The following PTPRD variants were observed in gnomAD, a reference collection of about 807,000 sequenced individuals.
PTPRD encodes the protein protein tyrosine phosphatase receptor type D.
A neutral mutation model predicts 214.5 loss-of-function variants in PTPRD; 34 were observed. That is an observed-to-expected ratio of 0.16 (90% confidence interval 0.12 to 0.21). The LOEUF (loss-of-function observed/expected upper bound fraction) is 0.21. Among genes scored for constraint, PTPRD ranks in the 10% least tolerant of loss-of-function variants. The probability of loss-of-function intolerance (pLI) is 1.00; values close to 1 mark genes in which losing one functional copy is unlikely to be tolerated. For synonymous variants in PTPRD, 1,128 were observed against 845.7 expected (o/e 1.33, Z -5.79); for missense variants, 2,545 against 2,398.7 (o/e 1.06, Z -1.27).
At chr9:9,333,083 T>G (rs1392446044) in intron 9 of PTPRD, among the ~76,000 whole-genome samples, 2 of 151,828 alleles carry the variant, frequency 1.3e-5, no homozygotes, top group East Asian at 3.9e-4. Context: ...GGGAGGGACA[T>G]AAAGAGTACA....
intron 5 of PTPRD, among the ~76,000 whole-genome samples, chr9:9,849,228 T>A (rs940536349): frequency 6.6e-6 from 1 of 151,986 alleles, no homozygotes; most frequent in African/African-American, 2.4e-5. Flanking sequence ...TCCCAAAGGA[T>A]CACGCTGTAG....
intron 7 of PTPRD, among the ~76,000 whole-genome samples, chr9:9,632,740 C>A (rs191340283): frequency 7.4e-4 from 112 of 152,042 alleles, no homozygotes; most frequent in African/African-American, 2.5e-3. Flanking sequence ...GGATGCCTGA[C>A]AAACTATAAA....
intron 2 of PTPRD, among the ~76,000 whole-genome samples, chr9:10,439,328 T>C (rs2098743610): frequency 6.6e-6 from 1 of 151,842 alleles, no homozygotes; most frequent in South Asian, 2.1e-4. Flanking sequence ...TGCTGGCAAC[T>C]AATGCTATCG....
intron 7 of PTPRD, among the ~76,000 whole-genome samples, chr9:9,654,647 G>A (rs1323421807): frequency 6.6e-6 from 1 of 152,070 alleles, no homozygotes; most frequent in African/African-American, 2.4e-5. Flanking sequence ...CCCATGTTTG[G>A]TTATCTAATT....
At chr9:9,467,664 C>T (rs1386306577) in intron 8 of PTPRD, among the ~76,000 whole-genome samples, 1 of 144,468 alleles carries the variant, frequency 6.9e-6, no homozygotes, top group East Asian at 2.1e-4. Flanking sequence ...TGTTTACTAT[C>T]GATTTCAGTA....
chr9:8,844,765 G>C (rs1350481004), intron 11 of PTPRD, among the ~76,000 whole-genome samples: 2 of 152,160 alleles, frequency 1.3e-5, no homozygotes, highest in Non-Finnish European at 2.9e-5. Context: ...AATTACATGA[G>C]CTCAATTAAC....
chr9:9,028,701 G>A (rs2099595209), intron 10 of PTPRD, among the ~76,000 whole-genome samples: 1 of 151,920 alleles, frequency 6.6e-6, no homozygotes, highest in African/African-American at 2.4e-5. Context: ...TTGGCAGTCT[G>A]GCTAGGGTGC....
chr9:10,545,352 T>C (rs955402526), intron 2 of PTPRD, among the ~76,000 whole-genome samples: 14 of 152,174 alleles, frequency 9.2e-5, no homozygotes, highest in African/African-American at 1.9e-4. Flanking sequence ...GTTAGATATA[T>C]AGTTTTCAAG....
chr9:8,898,322 A>C (rs1421363862), intron 11 of PTPRD, among the ~76,000 whole-genome samples: 1 of 152,098 alleles, frequency 6.6e-6, no homozygotes, highest in East Asian at 1.9e-4. Context: ...TTGGAAGCAA[A>C]GAGTTGGGGA....
In PTPRD at chr9:10,375,202, G is replaced by A. The variant is rs150031529; in HGVS notation, c.-599-34185C>T. On this transcript the variant is annotated intron_variant, in intron 2 of 45. Transcript: ENST00000381196. ...CTGGGGCAAGTAACTAAATTTCTAA[G>A]TAGAGGCTTGTACTTGCATTATCAT... 1.8e-3 allele frequency among the ~76,000 whole-genome samples: 270 copies of A among 152,174 alleles called. 2 individuals carry two copies. Among genetic ancestry groups the A allele is most frequent in the African/African-American group, 6.1e-3 (253 of 41,552 alleles).
intron 4 of PTPRD, among the ~76,000 whole-genome samples, chr9:9,978,386 A>C (rs1588006058): frequency 3.3e-5 from 5 of 152,274 alleles, no homozygotes; most frequent in Admixed American, 3.3e-4. Flanking sequence ...GAAACGCTAA[A>C]AGTGAAAACA....
chr9:9,542,619 A>G (rs1033538216), intron 8 of PTPRD, among the ~76,000 whole-genome samples: 1 of 151,792 alleles, frequency 6.6e-6, no homozygotes, highest in African/African-American at 2.4e-5. Context: ...AATCAATAAT[A>G]TAAACACAAA....
chr9:10,060,804 CTT>C (rs1244738572), intron 3 of PTPRD, among the ~76,000 whole-genome samples: 1 of 101,818 alleles, frequency 9.8e-6, no homozygotes, highest in Non-Finnish European at 1.9e-5. Flanking sequence ...TTCTTTCTTC[CTT>C]TCTTTCTTTC....
At chr9:10,155,252 G>A (rs1401443275) in intron 3 of PTPRD, among the ~76,000 whole-genome samples, 1 of 151,944 alleles carries the variant, frequency 6.6e-6, no homozygotes, top group African/African-American at 2.4e-5. Context: ...CAGTTTGACG[G>A]TTATTGGCAT....
chr9:9,254,180 T>A (rs927817487), intron 9 of PTPRD, among the ~76,000 whole-genome samples: 1 of 152,070 alleles, frequency 6.6e-6, no homozygotes. Context: ...GGGATTAGGA[T>A]GTGAGCACAT....
chr9:9,189,501 C>G (rs984636599), intron 9 of PTPRD, among the ~76,000 whole-genome samples: 2 of 152,060 alleles, frequency 1.3e-5, no homozygotes, highest in South Asian at 4.1e-4. Flanking sequence ...CAGGGTTTAT[C>G]TACTACAAAA....
At chr9:9,361,769 C>T (rs1041029503) in intron 9 of PTPRD, among the ~76,000 whole-genome samples, 33 of 150,960 alleles carry the variant, frequency 2.2e-4, no homozygotes, top group African/African-American at 8.0e-4. Context: ...TTCTCATGTC[C>T]ACATGGAAGA....
At chr9:9,547,874 A>T (rs1299457858) in intron 8 of PTPRD, among the ~76,000 whole-genome samples, 2 of 151,854 alleles carry the variant, frequency 1.3e-5, no homozygotes, top group African/African-American at 2.4e-5. Flanking sequence ...AAAATGAAAC[A>T]TAATGAGAAA....
chr9:9,122,953 T>G (rs1264846911), intron 10 of PTPRD, among the ~76,000 whole-genome samples: 1 of 152,192 alleles, frequency 6.6e-6, no homozygotes, highest in Non-Finnish European at 1.5e-5. Flanking sequence ...AAATAGAGTT[T>G]GTGACATGGG....
Sources: allele counts gnomAD v4.1 joint callset (sites outside exome capture counted in the v4.1 genomes callset), GRCh38; gene constraint gnomAD v4.1.1; transcripts MANE v1.5; gene names NCBI Gene and HGNC (gene_info 2026-07-23, HGNC 2026-07-21).